The following ZC3H13 variants were observed in gnomAD, a reference collection of about 807,000 sequenced individuals.
ZC3H13 encodes the protein zinc finger CCCH domain-containing protein 13.
Under a neutral mutation model 204.1 loss-of-function variants are expected in ZC3H13, and 64 were observed. The ratio of observed to expected loss-of-function variants is 0.31; its 90% CI spans 0.26 to 0.39. The LOEUF (loss-of-function observed/expected upper bound fraction) is 0.39. Ranked by LOEUF, ZC3H13 falls within the 10% of genes least tolerant of loss-of-function variation. The pLI is 1.00. For synonymous variants in ZC3H13, 667 were observed against 693.7 expected (o/e 0.96, Z 0.60); for missense variants, 1,833 against 2,082.7 (o/e 0.88, Z 2.33).
intron 10 of ZC3H13, among the ~76,000 whole-genome samples, chr13:45,983,915 T>C (rs1308792269): frequency 6.6e-6 from 1 of 152,194 alleles, no homozygotes; most frequent in East Asian, 1.9e-4. Flanking sequence ...CCAATTACCA[T>C]TTCCAGGTAC....
intron 9 of ZC3H13, among the ~76,000 whole-genome samples, chr13:45,986,681 C>A (rs1418116723): frequency 2.6e-5 from 4 of 152,102 alleles, no homozygotes; most frequent in African/African-American, 9.7e-5. Context: ...AACAAGAGAA[C>A]CTCAAAGGAT....
intron 17 of ZC3H13, among the ~76,000 whole-genome samples, chr13:45,960,173 T>C (rs1951578182): frequency 2.0e-5 from 3 of 152,024 alleles, no homozygotes; most frequent in Admixed American, 2.0e-4. Flanking sequence ...GCCAGGCTAG[T>C]CTTGAACTCC....
intron 5 of ZC3H13, 71 bp from the exon 6 acceptor site, chr13:46,011,625 T>TGAAAA: frequency 8.2e-7 from 1 of 1,221,196 alleles, no homozygotes; most frequent in Non-Finnish European, 1.1e-6. Context: ...ACAGACTTTT[T>TGAAAA]TCAACTAATT....
chr13:45,964,931 A>T (rs1041626802), intron 16 of ZC3H13, among the ~76,000 whole-genome samples: 1 of 152,220 alleles, frequency 6.6e-6, no homozygotes, highest in Non-Finnish European at 1.5e-5. Flanking sequence ...GTGTCACCAC[A>T]GTTGTGAAGC....
At chr13:46,008,786 AT>A (rs2041339813) in intron 7 of ZC3H13, among the ~76,000 whole-genome samples, 1 of 152,182 alleles carries the variant, frequency 6.6e-6, no homozygotes, top group African/African-American at 2.4e-5. Flanking sequence ...CTTCTTCAAT[AT>A]ACCTTTGCAA....
chr13:46,041,508 CTAA>C (rs1180543900), intron 4 of ZC3H13, among the ~76,000 whole-genome samples: 2 of 152,006 alleles, frequency 1.3e-5, no homozygotes, highest in Non-Finnish European at 2.9e-5. Context: ...TTTCACAACT[CTAA>C]TAATACTAAA....
rs1954116506 is a variant in ZC3H13, at chr13:45,985,667, T to C, written c.1350A>G (p.Arg450=). The change falls in exon 10 of 19, where the codon AGA becomes AGG. Residue 450 remains arginine, a synonymous_variant. Coordinates refer to ENST00000679008, the MANE Select transcript of ZC3H13 (RefSeq NM_001330564.2). ...TCCGATCCCGACCATCTCGAGGTTCTCTGTCATCTCTGTGGTCTCTAGAAG... is the reference window on the plus strand; with the variant it reads ...TCCGATCCCGACCATCTCGAGGTTCCCTGTCATCTCTGTGGTCTCTAGAAG... The part of the protein sequence containing the change: ...QSSSRDHRDD[R]EPRDGRDRRD... 2 of 1,614,118 alleles carry C rather than the reference T, an allele frequency of 1.2e-6. No individual in the cohort carries two copies. Among genetic ancestry groups the C allele is most frequent in the African/African-American group, 2.7e-5 (2 of 75,026 alleles).
At chr13:46,005,024 T>C (rs2041031933) in intron 7 of ZC3H13, among the ~76,000 whole-genome samples, 1 of 152,198 alleles carries the variant, frequency 6.6e-6, no homozygotes, top group Admixed American at 6.5e-5. Flanking sequence ...TCCTTTTACC[T>C]CAGAGCTCTA....
chr13:45,969,154 G>A lies in ZC3H13; in HGVS notation c.3390C>T (p.Phe1130=), dbSNP rs138620169. Reference sequence around the variant, plus strand: ...TGGAAATAGTGATGGCAGATGTGCTGAAAGAGGTGGCGGCAGCAGCAGTAG... The same window carrying A: ...TGGAAATAGTGATGGCAGATGTGCTAAAAGAGGTGGCGGCAGCAGCAGTAG... ...AATTAAAATS[F]STSAITISTS... Residue 1130 remains phenylalanine (F), a synonymous_variant, in exon 14 of 19, where the codon TTC becomes TTT. Coordinates refer to ENST00000679008, the MANE Select transcript of ZC3H13 (RefSeq NM_001330564.2). 5.6e-5 allele frequency: 91 copies of A among 1,614,024 alleles called. No homozygotes were observed. The highest frequency in any genetic ancestry group is 7.5e-5 in the Non-Finnish European group (88 of 1,180,008).
intron 18 of ZC3H13, among the ~76,000 whole-genome samples, chr13:45,957,613 C>T (rs1056906413): frequency 2.6e-5 from 4 of 152,148 alleles, no homozygotes; most frequent in South Asian, 2.1e-4. Context: ...ACACACTGCA[C>T]GTTCTGTTGT....
chr13:45,966,925 G>C (rs1439059120), intron 15 of ZC3H13, among the ~76,000 whole-genome samples: 1 of 152,178 alleles, frequency 6.6e-6, no homozygotes, highest in African/African-American at 2.4e-5. Flanking sequence ...GTAAATGGGG[G>C]CTGAAGGGTA....
chr13:45,992,545 G>T (rs920070389), intron 8 of ZC3H13, among the ~76,000 whole-genome samples: 1 of 152,140 alleles, frequency 6.6e-6, no homozygotes. Context: ...AAACTTGTGG[G>T]AGTTATTTAT....
At chr13:46,006,522 C>CCATCT (rs1280396935) in intron 7 of ZC3H13, among the ~76,000 whole-genome samples, 1 of 150,808 alleles carries the variant, frequency 6.6e-6, no homozygotes, top group Non-Finnish European at 1.5e-5. Flanking sequence ...TCTGTGTAAG[C>CCATCT]CATCTGCTCA....
In ZC3H13 at chr13:45,989,097, C is replaced by T. The variant is rs1190197971; in HGVS notation, c.945G>A (p.Arg315=). 1.9e-6 allele frequency: 3 copies of T among 1,610,672 alleles called. No homozygotes were observed. Among genetic ancestry groups the T allele is most frequent in the South Asian group, 2.2e-5 (2 of 90,962 alleles). Reference sequence around the variant, plus strand: ...GATGCTGTCCTGCTGGGGAAGTAGACCTACAAGGGAAAACAATAACAATAA... The same window carrying T: ...GATGCTGTCCTGCTGGGGAAGTAGATCTACAAGGGAAAACAATAACAATAA... ...ERQREKRDKP[R]STSPAGQHHS... is the part of the protein sequence containing the mutation. The change falls in exon 9 of 19, where the codon AGG becomes AGA. Residue 315 remains arginine, a splice_region_variant and synonymous_variant. Transcript: ENST00000679008.
chr13:46,047,575 CTA>C (rs778306606), intron 1 of ZC3H13, among the ~76,000 whole-genome samples: 182 of 150,780 alleles, frequency 1.2e-3, no homozygotes, highest in Non-Finnish European at 2.0e-3. Context: ...GTAAAATTTC[CTA>C]TGTCTATTTG....
chr13:46,009,136 A>G (rs1440935658), intron 7 of ZC3H13, among the ~76,000 whole-genome samples: 4 of 152,182 alleles, frequency 2.6e-5, no homozygotes, highest in African/African-American at 7.2e-5. Flanking sequence ...TATGTTCCAT[A>G]AAGAGAAATG....
chr13:45,957,831 C>T (rs1030363657), intron 18 of ZC3H13, among the ~76,000 whole-genome samples: 62 of 152,202 alleles, frequency 4.1e-4, no homozygotes, highest in African/African-American at 1.4e-3. Flanking sequence ...AAAGTGAGCT[C>T]GAAAACTGAA....
rs1951997045 is a variant in ZC3H13, at chr13:45,965,384, C to T, written c.4370G>A (p.Gly1457Asp). The T allele has an allele frequency of 6.2e-7, 1 of 1,613,488 alleles. No individual in the cohort carries two copies. The highest frequency in any genetic ancestry group is 1.3e-5 in the African/African-American group (1 of 74,836). ...KLDDAHSLGSGAGEGYEPISD... is the reference protein window; with the variant it reads ...KLDDAHSLGSDAGEGYEPISD... ...GATTGGCTCGTATCCTTCTCCAGCA[C>T]CAGAGCCTAATGAATGTGCATCATC... Residue 1457 changes from glycine to aspartate, a missense_variant, in exon 16 of 19, where the codon GGT becomes GAT. Gly to Asp is a moderately conservative substitution (Grantham distance 94). Coordinates refer to ENST00000679008, the MANE Select transcript of ZC3H13 (RefSeq NM_001330564.2).
chr13:46,023,339 C>A (rs544500073), intron 4 of ZC3H13, among the ~76,000 whole-genome samples: 1 of 152,142 alleles, frequency 6.6e-6, no homozygotes, highest in African/African-American at 2.4e-5. Context: ...ATGCCCATTG[C>A]ATCTTTCTTA....
Sources: allele counts gnomAD v4.1 joint callset (sites outside exome capture counted in the v4.1 genomes callset), GRCh38; gene constraint gnomAD v4.1.1; transcripts MANE v1.5; gene names NCBI Gene and HGNC (gene_info 2026-07-23, HGNC 2026-07-21).